The following GOLGA1 variants were observed in gnomAD, a reference collection of about 807,000 sequenced individuals.
GOLGA1 encodes the protein golgin subfamily A member 1.
GOLGA1 carries 63 observed loss-of-function variants against 119.7 expected under a neutral mutation model. That is an observed-to-expected ratio of 0.53 (90% CI 0.43 to 0.65). The LOEUF (loss-of-function observed/expected upper bound fraction) is 0.65. Among genes scored for constraint, GOLGA1 ranks in the 30% least tolerant of loss-of-function variants. The pLI, the probability that GOLGA1 is intolerant of heterozygous loss-of-function variation, is 0.00. For synonymous variants in GOLGA1, 318 were observed against 333.4 expected (o/e 0.95, Z 0.50); for missense variants, 798 against 912.8 (o/e 0.87, Z 1.62).
chr9:124,915,061 C>T (rs1181702107), intron 10 of GOLGA1, among the ~76,000 whole-genome samples: 1 of 152,172 alleles, frequency 6.6e-6, no homozygotes, highest in Non-Finnish European at 1.5e-5. Flanking sequence ...ATCAAACCTG[C>T]CCCTTTCCTA....
chr9:124,946,437 A>G lies in GOLGA1; in HGVS notation c.-156+1481T>C, dbSNP rs947371571. 8 of 152,326 alleles carry G rather than the reference A, an allele frequency of 5.3e-5. No individual in the cohort carries two copies. The highest frequency in any genetic ancestry group is 1.9e-4 in the African/African-American group (8 of 41,570). The allele number at this position is 152,326 out of a possible 1,614,324, so 9.4% of individuals were successfully genotyped here. ...GATAATTTCTCTATTTTAAGATAAT[A>G]TTGGATCAGATAGATTTAATCTTCC... is the stretch of plus-strand genomic sequence containing the variant. On this transcript the variant is annotated intron_variant, in intron 1 of 4. Coordinates refer to the GOLGA1 transcript ENST00000421514. This position sits in a 1 kb window ranked among gnomAD's most constrained non-coding sequence, Gnocchi z 4.0.
At chr9:124,882,601 T>TG in intron 19 of GOLGA1, 32 bp from the exon 20 acceptor site, 2 of 1,582,540 alleles carry the variant, frequency 1.3e-6, no homozygotes, top group Non-Finnish European at 8.7e-7. Context: ...AGAAAGCCAA[T>TG]CGTTAGATGC....
intron 10 of GOLGA1, among the ~76,000 whole-genome samples, chr9:124,912,818 A>C (rs1312393483): frequency 1.3e-5 from 2 of 152,138 alleles, no homozygotes; most frequent in African/African-American, 4.8e-5. Context: ...CTAGGATTAC[A>C]GGCGTAAGCC....
intron 10 of GOLGA1, 90 bp downstream of exon 10, chr9:124,921,039 G>T: frequency 1.3e-6 from 1 of 798,738 alleles, no homozygotes. Context: ...AGAAATGTAT[G>T]TTCAGTAGCT....
At chr9:124,919,936 A>T (rs185403871) in intron 10 of GOLGA1, among the ~76,000 whole-genome samples, 114 of 151,612 alleles carry the variant, frequency 7.5e-4, no homozygotes, top group Middle Eastern at 3.4e-3. Flanking sequence ...TATTTTATTT[A>T]TATTTATTTA....
intron 10 of GOLGA1, among the ~76,000 whole-genome samples, chr9:124,920,460 C>T (rs1281709017): frequency 6.6e-6 from 1 of 152,006 alleles, no homozygotes; most frequent in Non-Finnish European, 1.5e-5. Context: ...CAGAGTGTAG[C>T]ACAGCCCTAA....
chr9:124,929,375 G>T (rs1306083817), intron 4 of GOLGA1, 85 bp from the exon 5 acceptor site: 3 of 850,028 alleles, frequency 3.5e-6, no homozygotes, highest in African/African-American at 3.4e-5. Context: ...GAATGGAAAT[G>T]ATGATGATTT....
chr9:124,884,531 C>T (rs988614627), intron 19 of GOLGA1, among the ~76,000 whole-genome samples: 11 of 152,194 alleles, frequency 7.2e-5, no homozygotes, highest in African/African-American at 1.2e-4. Flanking sequence ...CGTGGCTGGG[C>T]TTCCACTTTA....
intron 7 of GOLGA1, 74 bp from the exon 8 acceptor site, chr9:124,923,297 T>C: frequency 7.6e-7 from 1 of 1,323,692 alleles, no homozygotes; most frequent in East Asian, 2.4e-5. Context: ...TGAAAATCTT[T>C]TCTTTTTTAA....
intron 10 of GOLGA1, among the ~76,000 whole-genome samples, chr9:124,920,791 G>A (rs981151303): frequency 5.3e-5 from 8 of 151,220 alleles, no homozygotes; most frequent in East Asian, 1.9e-4. Flanking sequence ...AAAATTAGCC[G>A]GGTGTGGTGG....
At chr9:124,911,605 G>C (rs1325698163) in intron 11 of GOLGA1, among the ~76,000 whole-genome samples, 1 of 152,250 alleles carries the variant, frequency 6.6e-6, no homozygotes, top group African/African-American at 2.4e-5. Context: ...GGGCAGTGCA[G>C]AAAGACAAGG....
At chr9:124,943,934 T>C (rs1342309761), upstream of GOLGA1, 2 of 152,234 alleles carry the variant, frequency 1.3e-5, no homozygotes, top group African/African-American at 4.8e-5. Flanking sequence ...TCACTATTTA[T>C]ACTGGTGCTA....
intron 3 of GOLGA1, among the ~76,000 whole-genome samples, chr9:124,934,258 G>A (rs564162478): frequency 6.6e-6 from 1 of 152,300 alleles, no homozygotes; most frequent in Non-Finnish European, 1.5e-5. Flanking sequence ...CAGTTCAGTG[G>A]AAGAGACAAA....
Position 124,882,634 on chromosome 9 carries a change from C to G in GOLGA1, c.1906-65G>C, listed in dbSNP as rs530246719. ...TGCATGTTTCACCAAAGGAAACAGA[C>G]CCGAAGATCCCACGGGATCCCCTGT... is the stretch of plus-strand genomic sequence containing the variant. On this transcript the variant is annotated intron_variant, in intron 19 of 22. Transcript: ENST00000373555. 25 of 1,306,912 alleles carry G rather than the reference C, an allele frequency of 1.9e-5. No homozygotes were observed. In the African/African-American group the frequency reaches 2.7e-4, roughly 14 times the overall value. The allele number at this position is 1,306,912 out of a possible 1,614,324, so 81.0% of individuals were successfully genotyped here.
chr9:124,889,526 A>C lies in GOLGA1; in HGVS notation c.1508T>G (p.Leu503Arg). 6.2e-7 allele frequency: 1 copy of C among 1,610,986 alleles called. No individual in the cohort carries two copies. The highest frequency in any genetic ancestry group is 2.2e-5 in the East Asian group (1 of 44,850). Residue 503 changes from leucine to arginine, a missense_variant, in exon 17 of 23, where the codon CTG (leucine) becomes CGG (arginine). Leu to Arg is a moderately radical substitution (Grantham distance 102). Coordinates refer to ENST00000373555, the MANE Select transcript of GOLGA1 (RefSeq NM_002077.4). Reference sequence around the variant, plus strand: ...TTCCTTCTCGTCTATTATGGCTGTCAGGTTAGCTGCCTTGGAGAGAAAAAT... The same window carrying C: ...TTCCTTCTCGTCTATTATGGCTGTCCGGTTAGCTGCCTTGGAGAGAAAAAT... Reference protein sequence around the residue: ...REEFQQQAANLTAIIDEKEQN... With the variant: ...REEFQQQAANRTAIIDEKEQN...
chr9:124,884,583 C>G (rs1053580038), intron 19 of GOLGA1, among the ~76,000 whole-genome samples: 1 of 152,100 alleles, frequency 6.6e-6, no homozygotes, highest in African/African-American at 2.4e-5. Context: ...GCGAGGAATC[C>G]CCATTGTTTC....
chr9:124,926,154 G>A (rs1375974566), intron 7 of GOLGA1, among the ~76,000 whole-genome samples: 1 of 152,150 alleles, frequency 6.6e-6, no homozygotes, highest in East Asian at 1.9e-4. Context: ...CTGTGGGATG[G>A]GTAAGATAGC....
In GOLGA1 at chr9:124,923,128, G is replaced by T; in HGVS notation, c.528C>A (p.Phe176Leu). ...RRDEMDELEG[F>L]QQQELSKIKH... ...TTATTTTACTTAGTTCCTGCTGCTG[G>T]AACCCCTCTAATTCATCCATTTCAT... Residue 176 changes from phenylalanine to leucine, a missense_variant, in exon 8 of 23, where the codon TTC becomes TTA. Coordinates refer to ENST00000373555, the MANE Select transcript of GOLGA1 (RefSeq NM_002077.4). 6.2e-7 allele frequency: 1 copy of T among 1,609,302 alleles called. No homozygotes were observed. The highest frequency in any genetic ancestry group is 8.5e-7 in the Non-Finnish European group (1 of 1,177,030).
At chr9:124,917,654 T>A (rs1349478656) in intron 10 of GOLGA1, among the ~76,000 whole-genome samples, 1 of 152,150 alleles carries the variant, frequency 6.6e-6, no homozygotes, top group Non-Finnish European at 1.5e-5. Flanking sequence ...AATCTGTTAT[T>A]CTCTCTTATT....
Sources: gnomAD v4.1 joint callset for allele counts (sites outside exome capture counted in the v4.1 genomes callset) on GRCh38, gnomAD v4.1.1 for gene constraint, Gnocchi (gnomAD v3.1) non-coding constraint, MANE v1.5 for transcripts, NCBI Gene and HGNC (gene_info 2026-07-23, HGNC 2026-07-21) for gene names.